PCDH9: variants seen among roughly 807,000 people sequenced by gnomAD.
PCDH9 encodes the protein protocadherin-9.
In PCDH9, 24 loss-of-function variants were observed where a neutral mutation model predicts 70.6. The observed-to-expected ratio is 0.34, with a 90% CI of 0.25 to 0.48. The LOEUF is 0.48. Among genes scored for constraint, PCDH9 ranks in the 20% least tolerant of loss-of-function variants. The pLI is 0.99. For synonymous variants in PCDH9, 562 were observed against 558.5 expected (o/e 1.01, Z -0.09); for missense variants, 1,281 against 1,503.6 (o/e 0.85, Z 2.45).
chr13:67,150,190 C>T (rs767766433), intron 2 of PCDH9, among the ~76,000 whole-genome samples: 35 of 152,144 alleles, frequency 2.3e-4, no homozygotes, highest in Non-Finnish European at 4.9e-4. Flanking sequence ...TATGCCACCA[C>T]GTTCAGCTAA....
chr13:66,579,338 A>G (rs1437184429), intron 4 of PCDH9, among the ~76,000 whole-genome samples: 1 of 152,126 alleles, frequency 6.6e-6, no homozygotes, highest in Non-Finnish European at 1.5e-5. Flanking sequence ...ACTGAAGTAT[A>G]TCAGCAGCTA....
intron 4 of PCDH9, among the ~76,000 whole-genome samples, chr13:66,544,947 TCTC>T (rs1961122137): frequency 6.6e-6 from 1 of 152,138 alleles, no homozygotes; most frequent in South Asian, 2.1e-4. Flanking sequence ...GTCTTGCAGG[TCTC>T]CTACCTCAAA....
rs2078332843 is a variant in PCDH9 at position 66,682,219 on chromosome 13, C to T, written c.3139-50808G>A. ...AAATTTTAAGACCTCATATGTACTG[C>T]ATAGCTGTTTATGTATTGTGGCCCT... On this transcript the variant is annotated intron_variant, in intron 3 of 4. Coordinates refer to ENST00000377865, the MANE Select transcript of PCDH9 (RefSeq NM_203487.3). Among the ~76,000 whole-genome samples, 4 of 151,950 alleles carry T rather than the reference C, an allele frequency of 2.6e-5. No homozygotes were observed. In the South Asian group the frequency reaches 8.3e-4, roughly 32 times the overall value.
At chr13:66,862,569 G>C (rs935538544) in intron 3 of PCDH9, among the ~76,000 whole-genome samples, 1 of 152,190 alleles carries the variant, frequency 6.6e-6, no homozygotes, top group Non-Finnish European at 1.5e-5. Flanking sequence ...GCTTTAACTT[G>C]ATATGGATAG....
At chr13:66,683,439 C>A (rs1208227697) in intron 3 of PCDH9, among the ~76,000 whole-genome samples, 1 of 152,192 alleles carries the variant, frequency 6.6e-6, no homozygotes, top group African/African-American at 2.4e-5. Context: ...TCACACTAAA[C>A]AGCCACTGGG....
chr13:66,643,814 C>T (rs963782272), intron 3 of PCDH9, among the ~76,000 whole-genome samples: 4 of 151,882 alleles, frequency 2.6e-5, no homozygotes, highest in Non-Finnish European at 5.9e-5. Flanking sequence ...AATGTAAACA[C>T]CAGTAAGTTC....
At chr13:67,199,497 G>A (rs1005241539) in intron 2 of PCDH9, among the ~76,000 whole-genome samples, 1 of 151,700 alleles carries the variant, frequency 6.6e-6, no homozygotes, top group African/African-American at 2.4e-5. Context: ...ATTAAGTGAC[G>A]AACATTATTT....
Position 66,706,127 on chromosome 13 carries a change from C to T in PCDH9, c.3139-74716G>A, listed in dbSNP as rs556159444. Reference sequence around the variant, plus strand: ...ATGAAGATTAGAGTATGTATTTGAACGGGAGAAATACCCTTACAAAGAAAT... The same window carrying T: ...ATGAAGATTAGAGTATGTATTTGAATGGGAGAAATACCCTTACAAAGAAAT... On this transcript the variant is annotated intron_variant, in intron 3 of 4. Coordinates refer to ENST00000377865, the MANE Select transcript of PCDH9 (RefSeq NM_203487.3). 9.2e-5 allele frequency among the ~76,000 whole-genome samples: 14 copies of T among 152,182 alleles called. 1 individual carries two copies. In the South Asian group the frequency reaches 2.3e-3, roughly 25 times the overall value.
intron 2 of PCDH9, among the ~76,000 whole-genome samples, chr13:67,054,448 A>G (rs2085380058): frequency 1.3e-5 from 2 of 152,148 alleles, no homozygotes; most frequent in Non-Finnish European, 2.9e-5. Flanking sequence ...TCTCCTACAT[A>G]CTTTACTTTT....
At chr13:66,401,080 A>G (rs1957176537) in intron 4 of PCDH9, among the ~76,000 whole-genome samples, 1 of 152,192 alleles carries the variant, frequency 6.6e-6, no homozygotes, top group South Asian at 2.1e-4. Context: ...CAATGGTATG[A>G]TTATGTGGTA....
At chr13:66,565,911 G>A (rs2076645726) in intron 4 of PCDH9, among the ~76,000 whole-genome samples, 1 of 152,124 alleles carries the variant, frequency 6.6e-6, no homozygotes. Context: ...TTTAGAAAAT[G>A]ATGGAAAGAG....
intron 3 of PCDH9, among the ~76,000 whole-genome samples, chr13:66,857,520 G>T (rs2081413997): frequency 6.6e-6 from 1 of 152,008 alleles, no homozygotes; most frequent in African/African-American, 2.4e-5. Flanking sequence ...GCAGAAAATT[G>T]GTGTGCTAAA....
chr13:66,611,343 T>G (rs1836766696), intron 4 of PCDH9, among the ~76,000 whole-genome samples: 1 of 152,162 alleles, frequency 6.6e-6, no homozygotes, highest in Non-Finnish European at 1.5e-5. Flanking sequence ...TCTGGCTAAT[T>G]AGAAGAAATA....
chr13:66,756,319 T>C (rs1320593164), intron 3 of PCDH9, among the ~76,000 whole-genome samples: 2 of 152,128 alleles, frequency 1.3e-5, no homozygotes, highest in East Asian at 1.9e-4. Context: ...TTAGGATGAA[T>C]TGGTATTTTG....
chr13:66,687,248 G>T (rs2078417351), intron 3 of PCDH9, among the ~76,000 whole-genome samples: 2 of 152,134 alleles, frequency 1.3e-5, no homozygotes, highest in Admixed American at 6.6e-5. Flanking sequence ...ATCACCTTCA[G>T]AGTTTTTGTG....
rs34514187 is a variant in PCDH9 at position 67,140,025 on chromosome 13, A to ACCCCCCCCCCC, written c.3036+85369_3036+85379dup. Among the ~76,000 whole-genome samples the ACCCCCCCCCCC allele has an allele frequency of 6.4e-4, 42 of 65,966 alleles. 1 individual carries two copies. Among genetic ancestry groups the ACCCCCCCCCCC allele is most frequent in the Non-Finnish European group, 9.0e-4 (32 of 35,718 alleles). The allele number at this position is 65,966 out of a possible 152,430, so 43.3% of individuals were successfully genotyped here. A position where few individuals can be genotyped will look rare whatever the true frequency, so the allele number is the denominator to read the frequency against. On this transcript the variant is annotated intron_variant, in intron 2 of 4. Transcript: ENST00000377865. ...CTACTGAAAATGTGATTTTTTGATC[A>ACCCCCCCCCCC]CCCCCCCCCCCCCGCCCATTGTGTT...
At chr13:67,095,101 G>A (rs1043066467) in intron 2 of PCDH9, among the ~76,000 whole-genome samples, 2 of 151,836 alleles carry the variant, frequency 1.3e-5, no homozygotes, top group South Asian at 4.2e-4. Context: ...AAATCGTTTT[G>A]TTCATTTTTA....
intron 3 of PCDH9, among the ~76,000 whole-genome samples, chr13:66,884,994 A>C (rs1197489136): frequency 6.6e-6 from 1 of 152,126 alleles, no homozygotes; most frequent in African/African-American, 2.4e-5. Flanking sequence ...AAATTGATTA[A>C]AATTTCTCTC....
intron 3 of PCDH9, among the ~76,000 whole-genome samples, chr13:66,756,845 AT>A (rs1217935349): frequency 1.3e-5 from 2 of 151,852 alleles, no homozygotes; most frequent in Non-Finnish European, 2.9e-5. Context: ...TATTATTATA[AT>A]TTTTTTGAGA....
Sources: allele counts gnomAD v4.1 joint callset (sites outside exome capture counted in the v4.1 genomes callset), GRCh38; gene constraint gnomAD v4.1.1; transcripts MANE v1.5; gene names NCBI Gene and HGNC (gene_info 2026-07-23, HGNC 2026-07-21).